The following FEZ2 variants were observed in gnomAD, a reference collection of about 807,000 sequenced individuals.
The protein encoded by FEZ2 is fasciculation and elongation protein zeta-2.
In FEZ2, 51 loss-of-function variants were observed where a neutral mutation model predicts 40.4. That is an observed-to-expected ratio of 1.26 (90% CI 1.01 to 1.59). The LOEUF (loss-of-function observed/expected upper bound fraction) is 1.59. Among genes scored for constraint, FEZ2 ranks in the 40% most tolerant of loss-of-function variants. The pLI is 0.00. For synonymous variants in FEZ2, 242 were observed against 172.0 expected, an observed-to-expected ratio of 1.41 and a Z score of -3.18; for missense variants, 640 against 438.3, an observed-to-expected ratio of 1.46 and a Z score of -4.11.
chr2:36,575,027 C>G (rs1257716001), intron 5 of FEZ2, among the ~76,000 whole-genome samples: 1 of 152,182 alleles, frequency 6.6e-6, no homozygotes, highest in Non-Finnish European at 1.5e-5. Flanking sequence ...AACAGCATCA[C>G]CATCTACCAC....
intron 1 of FEZ2, among the ~76,000 whole-genome samples, chr2:36,592,440 T>A (rs752061518): frequency 1.3e-5 from 2 of 151,884 alleles, no homozygotes; most frequent in South Asian, 4.2e-4. Context: ...CAAATAGGGA[T>A]TGGGCGCTAA....
intron 5 of FEZ2, among the ~76,000 whole-genome samples, chr2:36,573,918 A>G (rs961299638): frequency 6.6e-6 from 1 of 152,228 alleles, no homozygotes; most frequent in Non-Finnish European, 1.5e-5. Flanking sequence ...CTACACAATA[A>G]TTTGAAAAGC....
At chr2:36,582,403 A>G (rs1298055759) in intron 3 of FEZ2, among the ~76,000 whole-genome samples, 1 of 152,200 alleles carries the variant, frequency 6.6e-6, no homozygotes, top group Non-Finnish European at 1.5e-5. Flanking sequence ...AGGAAATATA[A>G]TAAGGTACAA....
Position 36,574,348 on chromosome 2 carries a change from T to C in FEZ2, c.903+4249A>G, listed in dbSNP as rs990700718. Among the ~76,000 whole-genome samples the C allele has an allele frequency of 2.0e-5, 3 of 152,244 alleles. No individual in the cohort carries two copies. In the East Asian group the frequency reaches 5.8e-4, roughly 29 times the overall value. Reference sequence around the variant, plus strand: ...AAGATCCAATATAGAAATATATATTTGCAAGTTTATCTTTCGTTCACTCAT... The same window carrying C: ...AAGATCCAATATAGAAATATATATTCGCAAGTTTATCTTTCGTTCACTCAT... On this transcript the variant is annotated intron_variant, in intron 5 of 7. Transcript: ENST00000405912.
chr2:36,577,353 G>A (rs1668603722), intron 5 of FEZ2, among the ~76,000 whole-genome samples: 1 of 151,980 alleles, frequency 6.6e-6, no homozygotes, highest in South Asian at 2.1e-4. Flanking sequence ...CGCCTCCTGG[G>A]TTCAAGCAAT....
At chr2:36,597,856 C>T (rs1047809716) in intron 1 of FEZ2, 21 bp downstream of exon 1, 119 of 1,332,208 alleles carry the variant, frequency 8.9e-5, no homozygotes, top group East Asian at 6.2e-5. Context: ...CGCCCACTCC[C>T]GGCCGGGGCC....
chr2:36,579,844 G>A (rs1668681289), intron 4 of FEZ2, among the ~76,000 whole-genome samples: 1 of 152,194 alleles, frequency 6.6e-6, no homozygotes, highest in African/African-American at 2.4e-5. Context: ...TGACAGATAG[G>A]ACACTGTTAA....
rs560035909 is a variant in FEZ2 at position 36,590,783 on chromosome 2, T to A, written c.375+120A>T. On this transcript the variant is annotated intron_variant, in intron 2 of 7. Coordinates refer to ENST00000405912, the MANE Select transcript of FEZ2 (RefSeq NM_005102.3). ...GACATCAAGACAGAGCCACCCAAAC[T>A]GCTATAATTTCAGAAATGAGAGGCA... 9 of 663,662 alleles carry A rather than the reference T, an allele frequency of 1.4e-5. No individual in the cohort carries two copies. In the African/African-American group the frequency reaches 1.6e-4, roughly 12 times the overall value. The allele number at this position is 663,662 out of a possible 1,614,324, so 41.1% of individuals were successfully genotyped here.
chr2:36,585,083 A>G (rs1668863912), intron 2 of FEZ2, among the ~76,000 whole-genome samples: 1 of 152,188 alleles, frequency 6.6e-6, no homozygotes, highest in South Asian at 2.1e-4. Flanking sequence ...AAAAAAGGAG[A>G]ATCTAAAAGC....
chr2:36,591,161 G>T, intron 1 of FEZ2, 150 bp from the exon 2 acceptor site: 1 of 624,164 alleles, frequency 1.6e-6, no homozygotes, highest in South Asian at 2.0e-5. Flanking sequence ...CAACAAAGTA[G>T]AGTCTCCTAA....
intron 2 of FEZ2, among the ~76,000 whole-genome samples, chr2:36,589,433 G>C (rs544576627): frequency 6.6e-6 from 1 of 152,238 alleles, no homozygotes; most frequent in African/African-American, 2.4e-5. Context: ...GATGCTGGAG[G>C]TGAGGATTCC....
intron 1 of FEZ2, among the ~76,000 whole-genome samples, chr2:36,593,012 C>G (rs80125709): frequency 0.016 from 2,412 of 152,226 alleles, 56 homozygotes; most frequent in African/African-American, 0.055. Context: ...ACTAAATTTG[C>G]TGGGTTTCTG....
chr2:36,593,233 G>A (rs562895049), intron 1 of FEZ2, among the ~76,000 whole-genome samples: 102 of 152,238 alleles, frequency 6.7e-4, no homozygotes, highest in Middle Eastern at 3.4e-3. Flanking sequence ...TTACATGGTG[G>A]CAGCAAGAGA....
chr2:36,578,258 C>CAT (rs1346147825), intron 5 of FEZ2, among the ~76,000 whole-genome samples: 1 of 152,236 alleles, frequency 6.6e-6, no homozygotes, highest in East Asian at 1.9e-4. Context: ...GCCAAATATA[C>CAT]ATAACCACTC....
intron 2 of FEZ2, among the ~76,000 whole-genome samples, chr2:36,588,311 A>G (rs984843755): frequency 1.3e-5 from 2 of 152,138 alleles, no homozygotes; most frequent in Admixed American, 6.5e-5. Context: ...TACAGGCATG[A>G]GCCACCGCGC....
chr2:36,580,323 C>G lies in FEZ2; in HGVS notation c.634+967G>C, dbSNP rs112817134. 2.9e-3 allele frequency among the ~76,000 whole-genome samples: 447 copies of G among 152,314 alleles called. 1 individual carries two copies. The highest frequency in any genetic ancestry group is 4.9e-3 in the Non-Finnish European group (334 of 68,020). ...CTGTCTGACCATCTGTATGTTGAAG[C>G]CATACAACCCAAAGGTCTTTAGGTA... On this transcript the variant is annotated intron_variant, in intron 4 of 7. Transcript: ENST00000405912.
At chr2:36,597,106 C>T (rs1290740305) in intron 1 of FEZ2, among the ~76,000 whole-genome samples, 2 of 152,070 alleles carry the variant, frequency 1.3e-5, no homozygotes, top group East Asian at 3.8e-4. Flanking sequence ...TAAGCAGGGC[C>T]CTTCGTTTTC....
intron 2 of FEZ2, among the ~76,000 whole-genome samples, chr2:36,584,740 G>A (rs1193978685): frequency 6.6e-6 from 1 of 152,130 alleles, no homozygotes; most frequent in Non-Finnish European, 1.5e-5. Flanking sequence ...CTAAAGCTGA[G>A]GACACAATGG....
intron 5 of FEZ2, among the ~76,000 whole-genome samples, chr2:36,572,204 C>A (rs1523786): frequency 6.6e-6 from 1 of 151,808 alleles, no homozygotes; most frequent in Non-Finnish European, 1.5e-5. Flanking sequence ...ACCTAGCCAC[C>A]GGGATTCAGA....
Sources: gnomAD v4.1 joint callset for allele counts (sites outside exome capture counted in the v4.1 genomes callset) on GRCh38, gnomAD v4.1.1 for gene constraint, MANE v1.5 for transcripts, NCBI Gene and HGNC (gene_info 2026-07-23, HGNC 2026-07-21) for gene names.